SPIRE1: variants seen among roughly 807,000 people sequenced by gnomAD.
SPIRE1 encodes protein spire homolog 1.
In SPIRE1, 40 loss-of-function variants were observed where a neutral mutation model predicts 94.1. The observed-to-expected ratio is 0.43, with a 90% CI of 0.33 to 0.55. The LOEUF is 0.55. Ranked by LOEUF, SPIRE1 falls within the 20% of genes least tolerant of loss-of-function variation. The probability of loss-of-function intolerance (pLI) is 0.06; values close to 1 mark genes in which losing one functional copy is unlikely to be tolerated. For synonymous variants in SPIRE1, 376 were observed against 371.7 expected, an observed-to-expected ratio of 1.01 and a Z score of -0.13; for missense variants, 838 against 975.2, an observed-to-expected ratio of 0.86 and a Z score of 1.87.
At chr18:12,638,169 G>T (rs1412591202) in intron 1 of SPIRE1, among the ~76,000 whole-genome samples, 2 of 152,192 alleles carry the variant, frequency 1.3e-5, no homozygotes, top group Admixed American at 1.3e-4. Context: ...ATTTGGCTGG[G>T]TGTGGTGTCT....
At chr18:12,623,631 T>G (rs555595312) in intron 2 of SPIRE1, among the ~76,000 whole-genome samples, 2 of 152,154 alleles carry the variant, frequency 1.3e-5, no homozygotes, top group East Asian at 3.9e-4. Context: ...GGCAAATTCT[T>G]TTTTGTTTTG....
intron 2 of SPIRE1, among the ~76,000 whole-genome samples, chr18:12,560,043 T>G (rs775260496): frequency 2.0e-5 from 3 of 152,192 alleles, no homozygotes; most frequent in Non-Finnish European, 4.4e-5. Flanking sequence ...ACTACAATGA[T>G]ATCTCATTCC....
At chr18:12,490,762 A>G (rs1487112861) in intron 8 of SPIRE1, among the ~76,000 whole-genome samples, 1 of 152,188 alleles carries the variant, frequency 6.6e-6, no homozygotes, top group East Asian at 1.9e-4. Context: ...CACTCAACAA[A>G]TTAGGAATAG....
chr18:12,512,775 CTTTTTT>C (rs35531986), intron 4 of SPIRE1, among the ~76,000 whole-genome samples: 5 of 140,304 alleles, frequency 3.6e-5, no homozygotes, highest in Non-Finnish European at 6.1e-5. Flanking sequence ...CTTTCTTTTT[CTTTTTT>C]TTTTTTTTTT....
chr18:12,472,258 C>T (rs1281583811), intron 10 of SPIRE1, among the ~76,000 whole-genome samples: 4 of 151,990 alleles, frequency 2.6e-5, no homozygotes, highest in African/African-American at 9.7e-5. Flanking sequence ...TTCAAGACCC[C>T]TGTCTCTATA....
rs1240194109 is a variant in SPIRE1, at chr18:12,531,233, AC to A, written c.729+4242del. 2.6e-5 allele frequency among the ~76,000 whole-genome samples: 4 copies of A among 151,470 alleles called. No homozygotes were observed. The South Asian group carries it at 6.3e-4, about 24-fold the overall frequency. On this transcript the variant is annotated intron_variant, in intron 4 of 16. Transcript: ENST00000409402. Reference sequence around the variant, plus strand: ...ATTTCATACCTCAACTTTACATGGTACCCCCCCATCCCATTTATGTGCATAT... The same window carrying A: ...ATTTCATACCTCAACTTTACATGGTACCCCCCATCCCATTTATGTGCATAT...
At chr18:12,615,337 A>AAAAATAAAAAAAAAAT (rs2037259643) in intron 2 of SPIRE1, among the ~76,000 whole-genome samples, 3 of 42,438 alleles carry the variant, frequency 7.1e-5, no homozygotes, top group South Asian at 8.7e-4. Context: ...CAAAAAAAAA[A>AAAAATAAAAAAAAAAT]AAAAAAAAAT....
intron 2 of SPIRE1, among the ~76,000 whole-genome samples, chr18:12,584,063 C>T (rs1385776487): frequency 6.6e-6 from 1 of 152,002 alleles, no homozygotes; most frequent in African/African-American, 2.4e-5. Context: ...TAAAGCAAGA[C>T]ACAGAAAGGT....
intron 4 of SPIRE1, among the ~76,000 whole-genome samples, chr18:12,513,394 A>T (rs1028169689): frequency 6.6e-6 from 1 of 152,168 alleles, no homozygotes; most frequent in South Asian, 2.1e-4. Flanking sequence ...TGAGTTTTAA[A>T]AAAATTTTTC....
At chr18:12,548,773 T>G (rs368516803) in intron 2 of SPIRE1, among the ~76,000 whole-genome samples, 26 of 152,102 alleles carry the variant, frequency 1.7e-4, no homozygotes, top group African/African-American at 6.3e-4. Flanking sequence ...CCACCAGGCC[T>G]GGCTAATTTT....
At chr18:12,557,572 C>A (rs2035553393) in intron 2 of SPIRE1, among the ~76,000 whole-genome samples, 1 of 152,158 alleles carries the variant, frequency 6.6e-6, no homozygotes, top group African/African-American at 2.4e-5. Context: ...CAGCCTTGGC[C>A]AGCCCAGAGA....
intron 2 of SPIRE1, among the ~76,000 whole-genome samples, chr18:12,569,467 T>C (rs2035906347): frequency 6.6e-6 from 1 of 152,030 alleles, no homozygotes; most frequent in Admixed American, 6.6e-5. Flanking sequence ...GAAAAGCATA[T>C]ACCTAGTTCT....
chr18:12,511,637 A>C (rs2034038479), intron 5 of SPIRE1, among the ~76,000 whole-genome samples: 1 of 152,224 alleles, frequency 6.6e-6, no homozygotes. Flanking sequence ...AAAGCTTTTT[A>C]AAATGGGGAA....
At chr18:12,551,051 C>T (rs2035334103) in intron 2 of SPIRE1, among the ~76,000 whole-genome samples, 1 of 152,212 alleles carries the variant, frequency 6.6e-6, no homozygotes, top group Non-Finnish European at 1.5e-5. Flanking sequence ...ACTTATATTA[C>T]TAATCTACAG....
intron 12 of SPIRE1, among the ~76,000 whole-genome samples, chr18:12,463,009 C>T (rs1048746528): frequency 6.6e-6 from 1 of 152,148 alleles, no homozygotes; most frequent in African/African-American, 2.4e-5. Flanking sequence ...GATCCTCTCA[C>T]ACCTCATCCT....
chr18:12,574,094 A>AC, intron 2 of SPIRE1, among the ~76,000 whole-genome samples: 2 of 152,346 alleles, frequency 1.3e-5, no homozygotes, highest in East Asian at 1.9e-4. Flanking sequence ...TACTACATGA[A>AC]CAACATTGGT....
chr18:12,467,291 C>CA (rs1478354549), intron 10 of SPIRE1, among the ~76,000 whole-genome samples: 1 of 151,908 alleles, frequency 6.6e-6, no homozygotes, highest in African/African-American at 2.4e-5. Flanking sequence ...AAACAAAAAC[C>CA]AAAAAACCCA....
chr18:12,556,124 A>C (rs774017382), intron 2 of SPIRE1, among the ~76,000 whole-genome samples: 24 of 152,192 alleles, frequency 1.6e-4, no homozygotes, highest in Non-Finnish European at 3.1e-4. Context: ...TCTATAATGA[A>C]AACTATAAAA....
intron 2 of SPIRE1, among the ~76,000 whole-genome samples, chr18:12,551,988 C>G (rs2144322627): frequency 6.6e-6 from 1 of 152,306 alleles, no homozygotes; most frequent in Middle Eastern, 3.4e-3. Context: ...AAGAAAAGCA[C>G]AGCAATTGTG....
Sources: gnomAD v4.1 joint callset for allele counts (sites outside exome capture counted in the v4.1 genomes callset) on GRCh38, gnomAD v4.1.1 for gene constraint, MANE v1.5 for transcripts, NCBI Gene and HGNC (gene_info 2026-07-23, HGNC 2026-07-21) for gene names.